RPH3AL: variants seen among roughly 807,000 people sequenced by gnomAD.
RPH3AL encodes rabphilin 3A like (without C2 domains).
A neutral mutation model predicts 43.1 loss-of-function variants in RPH3AL; 38 were observed. The ratio of observed to expected loss-of-function variants is 0.88; its 90% CI spans 0.68 to 1.15. RPH3AL has a LOEUF of 1.15. Among genes scored for constraint, RPH3AL ranks in the 50% most tolerant of loss-of-function variants. The pLI is 0.00. For synonymous variants in RPH3AL, 189 were observed against 176.3 expected (o/e 1.07, Z -0.57); for missense variants, 462 against 423.2 (o/e 1.09, Z -0.81).
chr17:321,137 G>C lies in RPH3AL; in HGVS notation c.221+135C>G, dbSNP rs1054607952. On this transcript the variant is annotated intron_variant, in intron 4 of 9. Coordinates refer to ENST00000331302, the MANE Select transcript of RPH3AL (RefSeq NM_006987.4). ...ACAGAGCACCCTTCAGCAAGGGCTG[G>C]AGTCAGGGACCTCCTCACCCACTCC... The C allele has an allele frequency of 7.2e-6, 8 of 1,111,824 alleles. No individual in the cohort carries two copies. In the African/African-American group the frequency reaches 1.1e-4, roughly 15 times the overall value. 68.9% of individuals were successfully genotyped at this position (1,111,824 alleles called of 1,614,324 possible).
intron 1 of RPH3AL, among the ~76,000 whole-genome samples, chr17:344,951 G>C (rs2045209173): frequency 7.4e-6 from 1 of 135,872 alleles, no homozygotes; most frequent in East Asian, 2.4e-4. Context: ...AGGCCACCTG[G>C]CCTTGCTGAG....
intron 5 of RPH3AL, among the ~76,000 whole-genome samples, chr17:291,337 C>T (rs950208886): frequency 6.6e-6 from 1 of 152,114 alleles, no homozygotes; most frequent in Non-Finnish European, 1.5e-5. Context: ...GCCAGAAGTT[C>T]AAGACCAGCC....
intron 6 of RPH3AL, among the ~76,000 whole-genome samples, chr17:269,793 T>A (rs554344458): frequency 6.6e-6 from 1 of 152,314 alleles, no homozygotes; most frequent in South Asian, 2.1e-4. Context: ...AGCACTGTGC[T>A]GAAAGAGTCA....
intron 6 of RPH3AL, among the ~76,000 whole-genome samples, chr17:268,975 T>C (rs1433107950): frequency 6.6e-6 from 1 of 151,906 alleles, no homozygotes; most frequent in Non-Finnish European, 1.5e-5. Context: ...GCCTCCCGGG[T>C]TCACGCCATT....
intron 7 of RPH3AL, among the ~76,000 whole-genome samples, chr17:228,867 C>T (rs747513601): frequency 6.6e-6 from 1 of 152,178 alleles, no homozygotes; most frequent in Non-Finnish European, 1.5e-5. Context: ...GCAGCAGAGG[C>T]TGCAGTGTGG....
chr17:307,033 C>G (rs1262598344), intron 5 of RPH3AL, among the ~76,000 whole-genome samples: 1 of 152,128 alleles, frequency 6.6e-6, no homozygotes, highest in African/African-American at 2.4e-5. Flanking sequence ...CACTCTGCAG[C>G]CCGGGGGCCT....
intron 2 of RPH3AL, among the ~76,000 whole-genome samples, chr17:329,286 A>G (rs530815773): frequency 2.0e-5 from 3 of 152,122 alleles, no homozygotes; most frequent in Non-Finnish European, 4.4e-5. Context: ...CAGCCTGGCC[A>G]ATATGGTGAA....
chr17:263,708 A>G (rs1341571477), intron 6 of RPH3AL, among the ~76,000 whole-genome samples: 2 of 152,212 alleles, frequency 1.3e-5, no homozygotes, highest in Non-Finnish European at 2.9e-5. Flanking sequence ...GAAAGCTGGT[A>G]GCTCAGGAAA....
chr17:220,009 C>T (rs771827060), intron 7 of RPH3AL, among the ~76,000 whole-genome samples: 1 of 152,196 alleles, frequency 6.6e-6, no homozygotes, highest in Non-Finnish European at 1.5e-5. Flanking sequence ...GCCACCTCCA[C>T]ATGACAACCC....
chr17:316,555 AT>A (rs2044209774), intron 5 of RPH3AL, among the ~76,000 whole-genome samples: 2 of 68,404 alleles, frequency 2.9e-5, no homozygotes, highest in African/African-American at 4.0e-5. Flanking sequence ...CTCCACTGAC[AT>A]GTAGTCCCTG....
chr17:246,644 C>G lies in RPH3AL; in HGVS notation c.613+467G>C, dbSNP rs531058515. On this transcript the variant is annotated intron_variant, in intron 7 of 9. Coordinates refer to ENST00000331302, the MANE Select transcript of RPH3AL (RefSeq NM_006987.4). The surrounding 1 kb of genome is among the most constrained non-coding windows in gnomAD (Gnocchi z 4.8). ...ACACCTTACTGTAGCCACCAGAACG[C>G]CCAGGGACACTGGGATACAAAGTCA... Among the ~76,000 whole-genome samples the G allele has an allele frequency of 6.6e-6, 1 of 152,236 alleles. No individual in the cohort carries two copies. Among genetic ancestry groups the G allele is most frequent in the Admixed American group, 6.5e-5 (1 of 15,296 alleles).
chr17:309,819 G>A (rs991433248), intron 5 of RPH3AL, among the ~76,000 whole-genome samples: 1 of 152,026 alleles, frequency 6.6e-6, no homozygotes, highest in African/African-American at 2.4e-5. Flanking sequence ...TCCCCTCCTC[G>A]GTGCAAAGTG....
intron 6 of RPH3AL, among the ~76,000 whole-genome samples, chr17:251,720 C>T (rs2041905382): frequency 6.6e-6 from 1 of 152,256 alleles, no homozygotes; most frequent in Admixed American, 6.5e-5. Context: ...AGAGCAGGTA[C>T]CCAAGTCCAA....
intron 6 of RPH3AL, among the ~76,000 whole-genome samples, chr17:258,037 G>A (rs1286729981): frequency 1.3e-5 from 2 of 151,524 alleles, no homozygotes; most frequent in Non-Finnish European, 2.9e-5. Context: ...ATTTCCCTCA[G>A]CATCACTTCT....
At chr17:348,981 G>A (rs532439662) in intron 1 of RPH3AL, 3 of 152,336 alleles carry the variant, frequency 2.0e-5, no homozygotes, top group East Asian at 1.9e-4. Flanking sequence ...CACAGTGCAC[G>A]AGATGAATCC....
intron 7 of RPH3AL, among the ~76,000 whole-genome samples, chr17:242,521 C>A (rs1555537452): frequency 6.2e-5 from 4 of 64,992 alleles, no homozygotes; most frequent in Non-Finnish European, 1.2e-4. Flanking sequence ...CCTCTATTGA[C>A]TACCTTCCTC....
intron 2 of RPH3AL, chr17:331,373 C>T (rs2044758486): frequency 8.6e-6 from 2 of 233,314 alleles, no homozygotes; most frequent in South Asian, 6.2e-5. Flanking sequence ...AGGGCAGGTT[C>T]ATCACTGATG....
chr17:321,342 C>A lies in RPH3AL; in HGVS notation c.151G>T (p.Glu51Ter). Residue 51 changes from glutamate to a stop codon, truncating the protein, a stop_gained, in exon 4 of 10, where the codon GAG becomes TAG. Coordinates refer to ENST00000331302, the MANE Select transcript of RPH3AL (RefSeq NM_006987.4). LOFTEE classifies it high-confidence loss of function. The part of the protein sequence containing the change: ...QRRKQHLSPA[E>*]VEAILQVIQR... Reference sequence around the variant, plus strand: ...ATGACCTGCAGGATGGCCTCCACCTCCGCCGGGCTGAGGTGCTGCTTCCTC... The same window carrying A: ...ATGACCTGCAGGATGGCCTCCACCTACGCCGGGCTGAGGTGCTGCTTCCTC... The A allele has an allele frequency of 6.2e-7, 1 of 1,611,664 alleles. No homozygotes were observed. The highest frequency in any genetic ancestry group is 8.5e-7 in the Non-Finnish European group (1 of 1,179,936).
chr17:314,970 A>ATT (rs2043881070), intron 5 of RPH3AL, among the ~76,000 whole-genome samples: 1 of 4,020 alleles, frequency 2.5e-4, no homozygotes, highest in Non-Finnish European at 4.7e-4. Context: ...TCCATTGACC[A>ATT]GTAGTCCCTG....
Sources: gnomAD v4.1 joint callset for allele counts (sites outside exome capture counted in the v4.1 genomes callset) on GRCh38, gnomAD v4.1.1 for gene constraint, Gnocchi (gnomAD v3.1) non-coding constraint, MANE v1.5 for transcripts, NCBI Gene and HGNC (gene_info 2026-07-23, HGNC 2026-07-21) for gene names.